Variants in FMN2 observed in about 807,000 individuals in gnomAD.
FMN2 encodes formin 2, also known as formin-2.
FMN2 carries 51 observed loss-of-function variants against 142.3 expected under a neutral mutation model. The observed-to-expected ratio is 0.36, with a 90% CI of 0.29 to 0.45. The LOEUF is 0.45. FMN2 is among the 20% of genes least tolerant of loss of function. The probability of loss-of-function intolerance (pLI) is 1.00; values close to 1 mark genes in which losing one functional copy is unlikely to be tolerated. For synonymous variants in FMN2, 882 were observed against 869.8 expected, an observed-to-expected ratio of 1.01 and a Z score of -0.25; for missense variants, 1,936 against 2,122.8, an observed-to-expected ratio of 0.91 and a Z score of 1.73.
At chr1:240,357,231 T>C (rs1390299325) in intron 14 of FMN2, among the ~76,000 whole-genome samples, 1 of 152,206 alleles carries the variant, frequency 6.6e-6, no homozygotes. Context: ...GGAGGATTTA[T>C]TCAAAAAAGC....
At chr1:240,331,216 T>C (rs1335275946) in intron 11 of FMN2, among the ~76,000 whole-genome samples, 1 of 152,068 alleles carries the variant, frequency 6.6e-6, no homozygotes, top group African/African-American at 2.4e-5. Context: ...GTAAACAAAA[T>C]ATAAAAGGTG....
At chr1:240,202,684 G>A (rs563385213) in intron 4 of FMN2, among the ~76,000 whole-genome samples, 5 of 152,046 alleles carry the variant, frequency 3.3e-5, no homozygotes, top group South Asian at 2.1e-4. Flanking sequence ...TGCTGGTCTC[G>A]AACTCCTGGC....
chr1:240,400,444 T>C (rs1275275237), intron 15 of FMN2, among the ~76,000 whole-genome samples: 2 of 152,198 alleles, frequency 1.3e-5, no homozygotes, highest in African/African-American at 2.4e-5. Flanking sequence ...GTCTGTCTAA[T>C]AGCCACAAAA....
chr1:240,470,622 T>A (rs1360806657), intron 16 of FMN2, among the ~76,000 whole-genome samples: 1 of 152,198 alleles, frequency 6.6e-6, no homozygotes, highest in Non-Finnish European at 1.5e-5. Flanking sequence ...GTCATTAGAT[T>A]TTTTGCCACA....
intron 8 of FMN2, among the ~76,000 whole-genome samples, chr1:240,309,607 T>G (rs995958981): frequency 2.0e-5 from 3 of 152,134 alleles, no homozygotes; most frequent in Non-Finnish European, 4.4e-5. Flanking sequence ...GATGTCATTA[T>G]ACACCCACAC....
chr1:240,148,815 A>G (rs1180663467), intron 2 of FMN2, among the ~76,000 whole-genome samples: 1 of 152,002 alleles, frequency 6.6e-6, no homozygotes, highest in African/African-American at 2.4e-5. Flanking sequence ...CCCTAAAAAT[A>G]CAAAAAATTA....
intron 2 of FMN2, among the ~76,000 whole-genome samples, chr1:240,167,346 G>GGTGTC (rs1664522343): frequency 6.6e-6 from 1 of 151,830 alleles, no homozygotes; most frequent in Non-Finnish European, 1.5e-5. Context: ...GAAGTACAGT[G>GGTGTC]ATCACAGCTC....
intron 2 of FMN2, among the ~76,000 whole-genome samples, chr1:240,150,839 C>G (rs1032629943): frequency 6.6e-6 from 1 of 152,174 alleles, no homozygotes; most frequent in Non-Finnish European, 1.5e-5. Context: ...CTGCTCTTAA[C>G]TGCTGTGTCT....
intron 14 of FMN2, among the ~76,000 whole-genome samples, chr1:240,385,445 T>C (rs995013935): frequency 1.3e-5 from 2 of 152,196 alleles, no homozygotes; most frequent in African/African-American, 4.8e-5. Flanking sequence ...CATGTCTTTA[T>C]TTCTATGCTA....
At chr1:240,395,835 C>T (rs1212648604) in intron 15 of FMN2, among the ~76,000 whole-genome samples, 3 of 152,172 alleles carry the variant, frequency 2.0e-5, no homozygotes, top group African/African-American at 7.2e-5. Flanking sequence ...ATTTAGAATA[C>T]TACATCAACT....
rs190154820 is a variant in FMN2 at position 240,202,800 on chromosome 1, T to C, written c.1987-3999T>C. ...TCCTCTGTGTGTGTATGTGTTTATATAATAATATCCTTTAATTTTATGCTA... is the reference window on the plus strand; with the variant it reads ...TCCTCTGTGTGTGTATGTGTTTATACAATAATATCCTTTAATTTTATGCTA... On this transcript the variant is annotated intron_variant, in intron 4 of 17. Transcript: ENST00000319653. Among the ~76,000 whole-genome samples, 343 of 152,244 alleles carry C rather than the reference T, an allele frequency of 2.3e-3. 4 individuals are homozygous for C. Among genetic ancestry groups the C allele is most frequent in the African/African-American group, 7.9e-3 (328 of 41,502 alleles).
chr1:240,095,369 G>T (rs1661161286), intron 1 of FMN2, among the ~76,000 whole-genome samples: 2 of 131,496 alleles, frequency 1.5e-5, no homozygotes, highest in Admixed American at 8.2e-5. Flanking sequence ...ATATACATTT[G>T]TAAGCATATA....
At chr1:240,346,060 C>G (rs1442720889) in intron 13 of FMN2, among the ~76,000 whole-genome samples, 1 of 151,970 alleles carries the variant, frequency 6.6e-6, no homozygotes, top group African/African-American at 2.4e-5. Flanking sequence ...TGAGGAAAAG[C>G]AAGTTGTAGG....
intron 2 of FMN2, among the ~76,000 whole-genome samples, chr1:240,172,201 TAC>T (rs138951858): frequency 5.4e-5 from 8 of 147,096 alleles, no homozygotes; most frequent in East Asian, 2.0e-4. Context: ...CACATACACA[TAC>T]ACACACACAC....
rs151157959 is a variant in FMN2 at position 240,187,857 on chromosome 1, G to A, written c.1931-350G>A. Among the ~76,000 whole-genome samples, 514 of 152,258 alleles carry A rather than the reference G, an allele frequency of 3.4e-3. 3 individuals carry two copies. The highest frequency in any genetic ancestry group is 0.012 in the African/African-American group (492 of 41,550). ...CAACCTTGGTGAAGTGGCTTCTATC[G>A]TGATACAGACTTCAGCTAAGTGAAT... On this transcript the variant is annotated intron_variant, in intron 3 of 17. Transcript: ENST00000319653.
At chr1:240,316,193 G>C (rs79449612) in intron 8 of FMN2, among the ~76,000 whole-genome samples, 2,094 of 152,304 alleles carry the variant, frequency 0.014, 56 homozygotes, top group African/African-American at 0.047. Context: ...TTGTTCTTAA[G>C]TGCTAGATAG....
chr1:240,388,108 G>C (rs928069115), intron 14 of FMN2, among the ~76,000 whole-genome samples: 7 of 149,238 alleles, frequency 4.7e-5, no homozygotes, highest in Non-Finnish European at 7.4e-5. Context: ...AACCCAGGAG[G>C]TGGAGCTTGC....
intron 2 of FMN2, among the ~76,000 whole-genome samples, chr1:240,136,799 G>A (rs1378592070): frequency 2.6e-5 from 4 of 152,000 alleles, no homozygotes; most frequent in South Asian, 4.1e-4. Context: ...CTGGCCTGGT[G>A]CGGTGGCTCA....
At chr1:240,176,342 C>T (rs1664910401) in intron 2 of FMN2, among the ~76,000 whole-genome samples, 1 of 152,184 alleles carries the variant, frequency 6.6e-6, no homozygotes, top group Non-Finnish European at 1.5e-5. Context: ...CCTATCCAAG[C>T]TGACTTGAGA....
Sources: allele counts gnomAD v4.1 joint callset (sites outside exome capture counted in the v4.1 genomes callset), GRCh38; gene constraint gnomAD v4.1.1; transcripts MANE v1.5; gene names NCBI Gene and HGNC (gene_info 2026-07-23, HGNC 2026-07-21).